The following PVR variants were observed in gnomAD, a reference collection of about 807,000 sequenced individuals.
PVR encodes poliovirus receptor.
PVR carries 39 observed loss-of-function variants against 43.3 expected under a neutral mutation model. The ratio of observed to expected loss-of-function variants is 0.90; its 90% CI spans 0.70 to 1.18. PVR has a LOEUF of 1.18. PVR is among the 50% of genes most tolerant of loss of function. The pLI, the probability that PVR is intolerant of heterozygous loss-of-function variation, is 0.00. For synonymous variants in PVR, 224 were observed against 233.2 expected (o/e 0.96, Z 0.36); for missense variants, 480 against 549.7 (o/e 0.87, Z 1.27).
At position 44,644,036 on chromosome 19, in the gene PVR, G is replaced by A. The variant is rs1284570253; in HGVS notation, c.-61G>A. 2.8e-6 allele frequency: 4 copies of A among 1,407,928 alleles called. No homozygotes were observed. The East Asian group carries it at 1.1e-4, about 39-fold the overall frequency. The allele number at this position is 1,407,928 out of a possible 1,614,324, so 87.2% of individuals were successfully genotyped here. A position where few individuals can be genotyped will look rare whatever the true frequency, so the allele number is the denominator to read the frequency against. ...GGACTCGCAGCGACCGCGGCAGAGC[G>A]AGCGGGCGCCGGGAAGCGAGGAGAC... On this transcript the variant is annotated 5_prime_UTR_variant, in exon 1 of 8. Transcript: ENST00000425690.
chr19:44,658,824 G>A lies in PVR; in HGVS notation c.1074G>A (p.Leu358=), dbSNP rs780496325. The change falls in exon 6 of 8, where the codon CTG becomes CTA. Residue 358 remains leucine, a synonymous_variant. Transcript: ENST00000425690. ...TGGGAATCCTGGTTTTTCTGATCCT[G>A]CTGGGGATCGGGATTTATTTCTATT... ...LVLGILVFLI[L]LGIGIYFYWS... is the part of the protein sequence containing the mutation. The A allele has an allele frequency of 6.2e-7, 1 of 1,614,040 alleles. No individual in the cohort carries two copies. The highest frequency in any genetic ancestry group is 1.7e-5 in the Admixed American group (1 of 60,016).
chr19:44,653,906 C>G lies in PVR; in HGVS notation c.731C>G (p.Pro244Arg), dbSNP rs142944493. 3 of 1,612,184 alleles carry G rather than the reference C, an allele frequency of 1.9e-6. No individual in the cohort carries two copies. Among genetic ancestry groups the G allele is most frequent in the Non-Finnish European group, 2.5e-6 (3 of 1,178,260 alleles). Residue 244 changes from proline to arginine, a missense_variant, in exon 4 of 8, where the codon CCA becomes CGA. Transcript: ENST00000425690. Reference protein sequence around the residue: ...LTVNLTVYYPPEVSISGYDNN... With the variant: ...LTVNLTVYYPREVSISGYDNN... ...CTGTATCCATTTCCTGCAGACCCCC[C>G]AGAGGTATCCATCTCTGGCTATGAT...
chr19:44,661,174 C>T, intron 6 of PVR, 118 bp from the exon 7 acceptor site: 1 of 908,030 alleles, frequency 1.1e-6, no homozygotes, highest in Admixed American at 1.9e-5. Flanking sequence ...AAATGGCACC[C>T]CCATGTAATA....
chr19:44,663,760 C>CA lies in PVR; in HGVS notation c.*1957dup, dbSNP rs1973643453. On this transcript the variant is annotated 3_prime_UTR_variant, in exon 8 of 8. Transcript: ENST00000425690. ...AGCTTGTCTTTTTTTTTTTCCTCTC[C>CA]AAAAAAAATGTTTAAGGGACGGTGT... 1.3e-5 allele frequency among the ~76,000 whole-genome samples: 2 copies of CA among 150,748 alleles called. No homozygotes were observed. The highest frequency in any genetic ancestry group is 3.0e-5 in the Non-Finnish European group (2 of 67,640).
At chr19:44,655,092 C>T (rs796559637) in intron 4 of PVR, among the ~76,000 whole-genome samples, 21 of 151,964 alleles carry the variant, frequency 1.4e-4, no homozygotes, top group African/African-American at 4.1e-4. Flanking sequence ...TTTACTGAAC[C>T]GCCCTTTTTT....
At chr19:44,655,739 C>T (rs1973425925) in intron 4 of PVR, among the ~76,000 whole-genome samples, 1 of 152,156 alleles carries the variant, frequency 6.6e-6, no homozygotes, top group Admixed American at 6.5e-5. Flanking sequence ...CTTAAGATTC[C>T]ACCACGTGGA....
chr19:44,651,584 T>C (rs1369460837), intron 3 of PVR, among the ~76,000 whole-genome samples: 1 of 151,746 alleles, frequency 6.6e-6, no homozygotes, highest in Non-Finnish European at 1.5e-5. Flanking sequence ...CTGCCCAATA[T>C]TGTCTACACT....
chr19:44,647,669 ATT>A, intron 2 of PVR, 99 bp downstream of exon 2: 6 of 679,360 alleles, frequency 8.8e-6, no homozygotes, highest in South Asian at 1.7e-5. Flanking sequence ...AGGGAGGGAG[ATT>A]CCCTCCACAG....
At position 44,645,142 on chromosome 19, in the gene PVR, AT is replaced by A. The variant is rs1267537892; in HGVS notation, c.79+969del. Among the ~76,000 whole-genome samples, 11 of 30,220 alleles carry A rather than the reference AT, an allele frequency of 3.6e-4. 2 individuals are homozygous for A. In the South Asian group the frequency reaches 4.2e-3, roughly 11 times the overall value. The allele number at this position is 30,220 out of a possible 152,430, so 19.8% of individuals were successfully genotyped here. A position where few individuals can be genotyped will look rare whatever the true frequency, so the allele number is the denominator to read the frequency against. On this transcript the variant is annotated intron_variant, in intron 1 of 7. Transcript: ENST00000425690. ...TAATATATTATAATATATTATATAT[AT>A]TATTATAATATATAATATGTATATT...
chr19:44,658,002 C>T (rs1973499123), intron 5 of PVR, 92 bp downstream of exon 5: 1 of 1,368,622 alleles, frequency 7.3e-7, no homozygotes, highest in Non-Finnish European at 1.0e-6. Context: ...CCATCCTTCT[C>T]CTAAGCCTTC....
rs1200999780 is a variant in PVR at position 44,647,512 on chromosome 19, C to T, written c.369C>T (p.Cys123=). Residue 123 remains cysteine (C), a synonymous_variant, in exon 2 of 8, where the codon TGC becomes TGT. Transcript: ENST00000425690. ...LRVEDEGNYT[C]LFVTFPQGSR... ...TAGAGGATGAAGGCAACTACACCTG[C>T]CTGTTCGTCACGTTCCCGCAGGGCA... 3.1e-6 allele frequency: 5 copies of T among 1,614,068 alleles called. No individual in the cohort carries two copies. In the Admixed American group the frequency reaches 6.7e-5, roughly 22 times the overall value.
chr19:44,653,868 A>G, intron 3 of PVR, 32 bp from the exon 4 acceptor site: 1 of 1,494,098 alleles, frequency 6.7e-7, no homozygotes, highest in Non-Finnish European at 9.3e-7. Flanking sequence ...AAAGCCTCCC[A>G]GTCTCTGAAC....
In PVR at chr19:44,649,948, G is replaced by A. The variant is rs150854789; in HGVS notation, c.567G>A (p.Thr189=). Residue 189 remains threonine, a synonymous_variant, in exon 3 of 8, where the codon ACG becomes ACA. Transcript: ENST00000425690. ...CAGACCTGGGCGGGATGCCCAATACGAGCCAGGTGCCAGGGTTCCTGTCTG... is the reference window on the plus strand; with the variant it reads ...CAGACCTGGGCGGGATGCCCAATACAAGCCAGGTGCCAGGGTTCCTGTCTG... The part of the protein sequence containing the change: ...WHSDLGGMPN[T]SQVPGFLSGT... 1.6e-5 allele frequency: 26 copies of A among 1,609,956 alleles called. No individual in the cohort carries two copies. The highest frequency in any genetic ancestry group is 1.7e-4 in the Middle Eastern group (1 of 6,058).
chr19:44,665,482 A>T lies in PVR; in HGVS notation c.*3671A>T, dbSNP rs1973690712. 6.6e-6 allele frequency: 1 copy of T among 152,170 alleles called. No homozygotes were observed. The highest frequency in any genetic ancestry group is 2.1e-4 in the South Asian group (1 of 4,828). 9.4% of individuals were successfully genotyped at this position (152,170 alleles called of 1,614,324 possible). On this transcript the variant is annotated 3_prime_UTR_variant, in exon 8 of 8. Coordinates refer to ENST00000425690, the MANE Select transcript of PVR (RefSeq NM_006505.5). Reference sequence around the variant, plus strand: ...TAGTGAAACCGTGTCTCTACAAAAAAAATTAGCCAGGTGTGGTGGTGCATG... The same window carrying T: ...TAGTGAAACCGTGTCTCTACAAAAATAATTAGCCAGGTGTGGTGGTGCATG...
intron 1 of PVR, 146 bp from the exon 2 acceptor site, chr19:44,647,074 AGTT>A: frequency 4.1e-5 from 1 of 24,322 alleles, no homozygotes. Flanking sequence ...CTAGTGCCCC[AGTT>A]CCCCCTCCCC....
chr19:44,644,972 A>G (rs1973037769), intron 1 of PVR, among the ~76,000 whole-genome samples: 1 of 129,538 alleles, frequency 7.7e-6, no homozygotes, highest in Non-Finnish European at 1.6e-5. Flanking sequence ...ATATATTATT[A>G]TTATATATTA....
chr19:44,647,077 T>TACCCCAC, intron 1 of PVR, 146 bp from the exon 2 acceptor site: 1 of 311,374 alleles, frequency 3.2e-6, no homozygotes, highest in Non-Finnish European at 5.7e-6. Flanking sequence ...GTGCCCCAGT[T>TACCCCAC]CCCCCTCCCC....
intron 3 of PVR, among the ~76,000 whole-genome samples, chr19:44,650,410 A>G (rs573256392): frequency 6.6e-6 from 1 of 152,204 alleles, no homozygotes; most frequent in Non-Finnish European, 1.5e-5. Flanking sequence ...CCTTGAGCAC[A>G]GTCTACACTG....
chr19:44,644,163 C>G lies in PVR; in HGVS notation c.67C>G (p.Pro23Ala). 6.6e-7 allele frequency: 1 copy of G among 1,505,198 alleles called. No individual in the cohort carries two copies. The highest frequency in any genetic ancestry group is 8.8e-7 in the Non-Finnish European group (1 of 1,132,700). The allele number at this position is 1,505,198 out of a possible 1,614,324, so 93.2% of individuals were successfully genotyped here. A position where few individuals can be genotyped will look rare whatever the true frequency, so the allele number is the denominator to read the frequency against. Reference sequence around the variant, plus strand: ...GGCGCTACTGGTGCTGTCCTGGCCACCCCCAGGAACCGGTGAGTGACCCCC... The same window carrying G: ...GGCGCTACTGGTGCTGTCCTGGCCAGCCCCAGGAACCGGTGAGTGACCCCC... ...LVALLVLSWP[P>A]PGTGDVVVQA... The change falls in exon 1 of 8, where the codon CCC (proline) becomes GCC (alanine). Residue 23 changes from proline (P) to alanine (A), a missense_variant. By Grantham distance (27) the Pro-to-Ala change is conservative (BLOSUM62 -1). Transcript: ENST00000425690.
Sources: gnomAD v4.1 joint callset for allele counts (sites outside exome capture counted in the v4.1 genomes callset) on GRCh38, gnomAD v4.1.1 for gene constraint, MANE v1.5 for transcripts, NCBI Gene and HGNC (gene_info 2026-07-23, HGNC 2026-07-21) for gene names.